The following MYT1L variants were observed in gnomAD, a reference collection of about 807,000 sequenced individuals.
MYT1L encodes myelin transcription factor 1 like, also known as myelin transcription factor 1-like protein.
In MYT1L, 12 loss-of-function variants were observed where a neutral mutation model predicts 126.7. That is an observed-to-expected ratio of 0.09 (90% CI 0.06 to 0.15). The LOEUF (loss-of-function observed/expected upper bound fraction) is 0.15, where lower values mean the gene tolerates loss of function less well. Ranked by LOEUF, MYT1L falls within the 10% of genes least tolerant of loss-of-function variation. MYT1L has a pLI of 1.00. For missense variants in MYT1L, 979 were observed against 1,585.2 expected (o/e 0.62, Z 6.49); for synonymous variants, 541 against 604.2 (o/e 0.90, Z 1.53).
At chr2:1,828,238 T>TC (rs966086322) in intron 21 of MYT1L, 29 of 152,158 alleles carry the variant, frequency 1.9e-4, no homozygotes, top group Non-Finnish European at 3.2e-4. Flanking sequence ...GAGACCATAT[T>TC]CCCAGCTTCC....
intron 3 of MYT1L, among the ~76,000 whole-genome samples, chr2:2,079,841 T>A (rs1361946686): frequency 2.7e-5 from 4 of 150,644 alleles, no homozygotes; most frequent in Non-Finnish European, 5.9e-5. Context: ...AGAAAATAAA[T>A]CTTGAATAAA....
chr2:2,170,551 G>A (rs1330650726), intron 3 of MYT1L, among the ~76,000 whole-genome samples: 12 of 152,172 alleles, frequency 7.9e-5, no homozygotes, highest in Admixed American at 7.9e-4. Context: ...GTAACACGAT[G>A]ATTTACAAAT....
At chr2:2,280,311 T>C (rs10495485) in intron 2 of MYT1L, among the ~76,000 whole-genome samples, 19,273 of 152,192 alleles carry the variant, frequency 0.13, 1,576 homozygotes, top group Admixed American at 0.26. Flanking sequence ...CAGCTTTACG[T>C]ATTGTTGATT....
Position 2,073,287 on chromosome 2 carries a change from T to C in MYT1L, c.-303-19164A>G, listed in dbSNP as rs145773248. ...CACCATCTCATCTCCCATCCCCCCA[T>C]CACTGCCTTAGTCCTGCCCCCAACT... is the stretch of plus-strand genomic sequence containing the variant. On this transcript the variant is annotated intron_variant, in intron 3 of 24. Coordinates refer to ENST00000647738, the MANE Select transcript of MYT1L (RefSeq NM_001303052.2). 3.1e-4 allele frequency among the ~76,000 whole-genome samples: 45 copies of C among 145,140 alleles called. No individual in the cohort carries two copies. The East Asian group carries it at 8.7e-3, about 28-fold the overall frequency.
chr2:1,967,103 T>C (rs1337614873), intron 8 of MYT1L, among the ~76,000 whole-genome samples: 1 of 152,212 alleles, frequency 6.6e-6, no homozygotes, highest in Admixed American at 6.5e-5. Flanking sequence ...CAGGCTGTCA[T>C]CTGCATTATG....
intron 3 of MYT1L, among the ~76,000 whole-genome samples, chr2:2,131,728 G>A (rs902814603): frequency 5.3e-5 from 8 of 152,124 alleles, no homozygotes; most frequent in South Asian, 2.1e-4. Context: ...AGACGTAACC[G>A]TGAGGTTTTG....
At chr2:2,066,374 C>G (rs1020529970) in intron 3 of MYT1L, among the ~76,000 whole-genome samples, 4 of 152,210 alleles carry the variant, frequency 2.6e-5, no homozygotes, top group African/African-American at 7.2e-5. Context: ...TCTTCAGGAA[C>G]ACAGACCCTC....
intron 2 of MYT1L, among the ~76,000 whole-genome samples, chr2:2,284,145 T>C (rs1441230814): frequency 6.6e-6 from 1 of 152,200 alleles, no homozygotes; most frequent in Non-Finnish European, 1.5e-5. Context: ...AATATTTAGA[T>C]TATAGGTGAT....
chr2:2,074,558 G>A (rs2075002884), intron 3 of MYT1L, among the ~76,000 whole-genome samples: 1 of 152,198 alleles, frequency 6.6e-6, no homozygotes, highest in Non-Finnish European at 1.5e-5. Flanking sequence ...AAAAATACCA[G>A]TGAAGGCTTG....
At position 1,792,276 on chromosome 2, in the gene MYT1L, C is replaced by T. The variant is rs115972918; in HGVS notation, c.3420+45G>A. On this transcript the variant is annotated intron_variant, in intron 24 of 24. Coordinates refer to ENST00000647738, the MANE Select transcript of MYT1L (RefSeq NM_001303052.2). Reference sequence around the variant, plus strand: ...AACGGCATCTACTTTAGGCTGTGCGCTGTGGAGGACTCCACATTCCTGCCT... The same window carrying T: ...AACGGCATCTACTTTAGGCTGTGCGTTGTGGAGGACTCCACATTCCTGCCT... 6.8e-4 allele frequency: 1,054 copies of T among 1,556,300 alleles called. 6 individuals carry two copies. The African/African-American group carries it at 0.013, about 19-fold the overall frequency.
At chr2:1,903,528 A>G (rs1272394134) in intron 13 of MYT1L, among the ~76,000 whole-genome samples, 1 of 152,206 alleles carries the variant, frequency 6.6e-6, no homozygotes, top group Non-Finnish European at 1.5e-5. Flanking sequence ...GACAAGAAAT[A>G]AAATCTTTAA....
At chr2:2,075,376 A>C (rs1446996279) in intron 3 of MYT1L, among the ~76,000 whole-genome samples, 1 of 152,204 alleles carries the variant, frequency 6.6e-6, no homozygotes, top group Admixed American at 6.5e-5. Context: ...CACCCTCACC[A>C]TGTGCATGTC....
intron 8 of MYT1L, among the ~76,000 whole-genome samples, chr2:1,970,682 C>A (rs1434783309): frequency 1.2e-4 from 18 of 152,188 alleles, no homozygotes; most frequent in Admixed American, 1.2e-3. Context: ...TCTCTCCACA[C>A]TTCAAGATCT....
At chr2:2,107,068 C>T (rs1253478960) in intron 3 of MYT1L, among the ~76,000 whole-genome samples, 3 of 152,148 alleles carry the variant, frequency 2.0e-5, no homozygotes, top group Non-Finnish European at 2.9e-5. Flanking sequence ...AGCTGTTGCA[C>T]GAGTATGTCA....
chr2:2,236,332 G>GTACATC (rs2094303007), intron 2 of MYT1L, among the ~76,000 whole-genome samples: 2 of 28,920 alleles, frequency 6.9e-5, no homozygotes, highest in African/African-American at 1.5e-4. Context: ...CCCAGTACAT[G>GTACATC]CCAACCCAAC....
At chr2:2,010,482 G>T in intron 4 of MYT1L, among the ~76,000 whole-genome samples, 1 of 152,070 alleles carries the variant, frequency 6.6e-6, no homozygotes, top group East Asian at 1.9e-4. Flanking sequence ...GTGCTAGGAA[G>T]AAAGGCACAT....
chr2:2,227,866 A>C (rs1572646222), intron 2 of MYT1L, among the ~76,000 whole-genome samples: 1 of 152,332 alleles, frequency 6.6e-6, no homozygotes, highest in East Asian at 1.9e-4. Context: ...TATCCAGAAA[A>C]ATAATTCAAA....
chr2:2,081,574 C>G (rs1271933698), intron 3 of MYT1L, among the ~76,000 whole-genome samples: 1 of 152,188 alleles, frequency 6.6e-6, no homozygotes, highest in East Asian at 1.9e-4. Flanking sequence ...TTTGCCCTCT[C>G]ATTCTTCATC....
intron 3 of MYT1L, among the ~76,000 whole-genome samples, chr2:2,078,061 G>A (rs2075405948): frequency 6.6e-6 from 1 of 152,092 alleles, no homozygotes; most frequent in Non-Finnish European, 1.5e-5. Flanking sequence ...TGGAAGAAAT[G>A]GAAGAATATG....
Sources: allele counts gnomAD v4.1 joint callset (sites outside exome capture counted in the v4.1 genomes callset), GRCh38; gene constraint gnomAD v4.1.1; transcripts MANE v1.5; gene names NCBI Gene and HGNC (gene_info 2026-07-23, HGNC 2026-07-21).